MACROH2A1: variants seen among roughly 807,000 people sequenced by gnomAD.
MACROH2A1 encodes the protein core histone macro-H2A.1.
In MACROH2A1, 2 loss-of-function variants were observed where a neutral mutation model predicts 31.6. The ratio of observed to expected loss-of-function variants is 0.06; its 90% CI spans 0.03 to 0.20. The LOEUF (loss-of-function observed/expected upper bound fraction) is 0.20, where lower values mean the gene tolerates loss of function less well. Ranked by LOEUF, MACROH2A1 falls within the 10% of genes least tolerant of loss-of-function variation. The pLI, the probability that MACROH2A1 is intolerant of heterozygous loss-of-function variation, is 1.00. For synonymous variants in MACROH2A1, 169 were observed against 189.6 expected (o/e 0.89, Z 0.89); for missense variants, 230 against 474.0 (o/e 0.49, Z 4.78).
At chr5:135,335,416 G>T (rs894527922) in intron 8 of MACROH2A1, among the ~76,000 whole-genome samples, 1 of 152,094 alleles carries the variant, frequency 6.6e-6, no homozygotes, top group Non-Finnish European at 1.5e-5. Flanking sequence ...ATAGTGTTTT[G>T]TGGTGTGCAT....
At chr5:135,380,626 C>T (rs1033887474) in intron 2 of MACROH2A1, among the ~76,000 whole-genome samples, 1 of 152,148 alleles carries the variant, frequency 6.6e-6, no homozygotes, top group African/African-American at 2.4e-5. Context: ...TCGAGGTTAG[C>T]TGAGGGGTCT....
At chr5:135,384,029 T>C (rs1581333052) in intron 2 of MACROH2A1, among the ~76,000 whole-genome samples, 1 of 152,128 alleles carries the variant, frequency 6.6e-6, no homozygotes, top group East Asian at 1.9e-4. Flanking sequence ...GTGTCCCGGA[T>C]AGGAAGGTGG....
intron 5 of MACROH2A1, chr5:135,359,798 C>A (rs556148299): frequency 2.3e-5 from 22 of 948,098 alleles, no homozygotes; most frequent in Non-Finnish European, 2.8e-5. Context: ...TCTTTCTTCC[C>A]ACCCCTTTTT....
chr5:135,378,525 C>T (rs72804123), intron 2 of MACROH2A1, among the ~76,000 whole-genome samples: 1,625 of 152,312 alleles, frequency 0.011, 13 homozygotes, highest in Non-Finnish European at 0.017. Flanking sequence ...GTGTCTTCAT[C>T]GAGCCAGCCT....
At chr5:135,359,670 T>C (rs1359883702) in intron 5 of MACROH2A1, 2 of 985,030 alleles carry the variant, frequency 2.0e-6, no homozygotes, top group Non-Finnish European at 2.4e-6. Flanking sequence ...TTAAAAATGA[T>C]GCAGCTTCAG....
chr5:135,360,237 C>T (rs1222174197), intron 5 of MACROH2A1: 2 of 514,496 alleles, frequency 3.9e-6, no homozygotes, highest in Non-Finnish European at 7.0e-6. Flanking sequence ...AACCAAGGGT[C>T]CCCATCTCCC....
chr5:135,338,047 C>T (rs759874192), intron 8 of MACROH2A1: 5 of 1,120,022 alleles, frequency 4.5e-6, no homozygotes, highest in South Asian at 3.8e-5. Context: ...TGGTGGGCCT[C>T]AAAATGTCTT....
chr5:135,353,072 A>G (rs776197906), intron 5 of MACROH2A1, 27 bp from the exon 6 acceptor site: 2 of 1,388,226 alleles, frequency 1.4e-6, no homozygotes, highest in South Asian at 1.2e-5. Context: ...GAGGTGGGAA[A>G]TAACAGGAGA....
chr5:135,385,221 A>C (rs928870153), intron 2 of MACROH2A1, among the ~76,000 whole-genome samples: 1 of 152,248 alleles, frequency 6.6e-6, no homozygotes, highest in African/African-American at 2.4e-5. Flanking sequence ...GCAGAGAAGA[A>C]AACAATCCCT....
chr5:135,359,993 G>A lies in MACROH2A1; in HGVS notation c.588+504C>T, dbSNP rs1762625685. Reference sequence around the variant, plus strand: ...AACAAACAAACAATTAGCTGGAAGAGTCATCTGGTGGTTCAGTGAAGAAAC... The same window carrying A: ...AACAAACAAACAATTAGCTGGAAGAATCATCTGGTGGTTCAGTGAAGAAAC... On this transcript the variant is annotated intron_variant, in intron 5 of 8. Transcript: ENST00000511689. 1.3e-5 allele frequency: 9 copies of A among 703,968 alleles called. No individual in the cohort carries two copies. In the South Asian group the frequency reaches 5.7e-4, roughly 45 times the overall value. The allele number at this position is 703,968 out of a possible 1,614,324, so 43.6% of individuals were successfully genotyped here.
Position 135,352,994 on chromosome 5 carries a change from C to A in MACROH2A1, c.640G>T (p.Ala214Ser). 1 of 1,609,528 alleles carries A rather than the reference C, an allele frequency of 6.2e-7. No homozygotes were observed. The highest frequency in any genetic ancestry group is 8.5e-7 in the Non-Finnish European group (1 of 1,175,866). Residue 214 changes from alanine (A) to serine (S), a missense_variant, in exon 6 of 9, where the codon GCC (alanine) becomes TCC (serine). By Grantham distance (99) the Ala-to-Ser change is moderately conservative. Transcript: ENST00000511689. ...TCAGCATTGGTAGGATTGATTATGG[C>A]CTCCACCTCAAAGCCGGCTAAATTA... ...ISNLAGFEVE[A>S]IINPTNADID... is the part of the protein sequence containing the mutation.
chr5:135,370,794 C>T (rs1764087291), intron 2 of MACROH2A1, among the ~76,000 whole-genome samples: 1 of 152,160 alleles, frequency 6.6e-6, no homozygotes, highest in Non-Finnish European at 1.5e-5. Flanking sequence ...AATTCTGATT[C>T]TTTTAATAAA....
chr5:135,371,475 T>C (rs1420219058), intron 2 of MACROH2A1, among the ~76,000 whole-genome samples: 2 of 152,248 alleles, frequency 1.3e-5, no homozygotes, highest in South Asian at 2.1e-4. Flanking sequence ...GCATAACCCA[T>C]AGTTAGTACT....
chr5:135,338,869 G>A (rs1759270578), intron 8 of MACROH2A1, among the ~76,000 whole-genome samples: 1 of 152,226 alleles, frequency 6.6e-6, no homozygotes, highest in Non-Finnish European at 1.5e-5. Flanking sequence ...AATCCCAGCT[G>A]CTTTGGGCCA....
chr5:135,383,461 C>T (rs1765929072), intron 2 of MACROH2A1, among the ~76,000 whole-genome samples: 1 of 152,138 alleles, frequency 6.6e-6, no homozygotes, highest in South Asian at 2.1e-4. Context: ...AATTTTCAAA[C>T]AAATTACTCA....
chr5:135,376,916 A>G (rs140661749), intron 2 of MACROH2A1, among the ~76,000 whole-genome samples: 41 of 152,308 alleles, frequency 2.7e-4, no homozygotes, highest in African/African-American at 9.9e-4. Flanking sequence ...GATGATTTCG[A>G]TGGATGGATT....
At position 135,352,901 on chromosome 5, in the gene MACROH2A1, CTT is replaced by C. The variant is rs781049368; in HGVS notation, c.688+43_688+44del. On this transcript the variant is annotated intron_variant, in intron 6 of 8. Coordinates refer to ENST00000511689, the MANE Select transcript of MACROH2A1 (RefSeq NM_138610.3). ...AATGCCTAAATTCTGGGTTCCATAACTTTTCATCTGACAGCTGGTGGTGCCGA... is the reference window on the plus strand; with the variant it reads ...AATGCCTAAATTCTGGGTTCCATAACTTCATCTGACAGCTGGTGGTGCCGA... 40 of 1,047,352 alleles carry C rather than the reference CTT, an allele frequency of 3.8e-5. No homozygotes were observed. The East Asian group carries it at 9.0e-4, about 24-fold the overall frequency. 64.9% of individuals were successfully genotyped at this position (1,047,352 alleles called of 1,614,324 possible). A position where few individuals can be genotyped will look rare whatever the true frequency, so the allele number is the denominator to read the frequency against.
intron 6 of MACROH2A1, chr5:135,346,673 G>A: frequency 6.6e-6 from 1 of 152,396 alleles, no homozygotes; most frequent in East Asian, 1.9e-4. Context: ...TTACACTAAT[G>A]ATTCAGAATT....
At chr5:135,395,339 T>A (rs1008842255) in intron 1 of MACROH2A1, among the ~76,000 whole-genome samples, 1 of 152,218 alleles carries the variant, frequency 6.6e-6, no homozygotes. Context: ...TACATGCCTA[T>A]TGATCCCATG....
Sources: gnomAD v4.1 joint callset for allele counts (sites outside exome capture counted in the v4.1 genomes callset) on GRCh38, gnomAD v4.1.1 for gene constraint, MANE v1.5 for transcripts, NCBI Gene and HGNC (gene_info 2026-07-23, HGNC 2026-07-21) for gene names.